Variants in OGDHL observed in about 807,000 individuals in gnomAD.
OGDHL encodes the protein oxoglutarate dehydrogenase L, also known as 2-oxoglutarate dehydrogenase-like, mitochondrial.
In OGDHL, 79 loss-of-function variants were observed where a neutral mutation model predicts 109.6. The observed-to-expected ratio is 0.72, with a 90% CI of 0.60 to 0.87. The LOEUF (loss-of-function observed/expected upper bound fraction) is 0.87. Among genes scored for constraint, OGDHL ranks in the 40% least tolerant of loss-of-function variants. The probability of loss-of-function intolerance (pLI) is 0.00; values close to 1 mark genes in which losing one functional copy is unlikely to be tolerated. For missense variants in OGDHL, 1,275 were observed against 1,362.2 expected (o/e 0.94, Z 1.01); for synonymous variants, 528 against 537.2 (o/e 0.98, Z 0.24).
intron 15 of OGDHL, among the ~76,000 whole-genome samples, chr10:49,742,430 CA>C (rs1841821165): frequency 6.9e-6 from 1 of 145,798 alleles, no homozygotes; most frequent in Non-Finnish European, 1.5e-5. Flanking sequence ...ATACACACCA[CA>C]CATACAACAA....
At chr10:49,740,960 G>A (rs1471738605) in intron 15 of OGDHL, 123 bp from the exon 16 acceptor site, 2 of 1,260,134 alleles carry the variant, frequency 1.6e-6, no homozygotes, top group South Asian at 1.4e-5. Context: ...GAAACCTGCA[G>A]GGTCCCACAA....
In OGDHL at chr10:49,751,836, C is replaced by T. The variant is rs772306801; in HGVS notation, c.740G>A (p.Arg247His). The T allele has an allele frequency of 9.3e-6, 15 of 1,613,558 alleles. No individual in the cohort carries two copies. Among genetic ancestry groups the T allele is most frequent in the African/African-American group, 1.3e-5 (1 of 75,036 alleles). Reference protein sequence around the residue: ...EKRTLLARLVRSMRFEDFLAR... With the variant: ...EKRTLLARLVHSMRFEDFLAR... Reference sequence around the variant, plus strand: ...TCCAGGTGGTGCCAACCTCATGGAGCGCACTAGCCGGGCCAGCAGGGTCCG... The same window carrying T: ...TCCAGGTGGTGCCAACCTCATGGAGTGCACTAGCCGGGCCAGCAGGGTCCG... Residue 247 changes from arginine (R) to histidine (H), a missense_variant, in exon 6 of 23, where the codon CGC becomes CAC. By Grantham distance (29) the Arg-to-His change is conservative. Transcript: ENST00000374103.
Position 49,751,930 on chromosome 10 carries a change from C to T in OGDHL, c.646G>A (p.Glu216Lys). The stretch of plus-strand genomic sequence containing the variant: ...TTCTGCCGGATCCACTGGCACTGCT[C>T]CACATCGTTGATGAACATGAACTCC... ...GLEFMFINDV[E>K]QCQWIRQKFE... The change falls in exon 6 of 23, where the codon GAG becomes AAG. Residue 216 changes from glutamate (E) to lysine (K), a missense_variant. By Grantham distance (56) the Glu-to-Lys change is moderately conservative (BLOSUM62 1). Coordinates refer to ENST00000374103, the MANE Select transcript of OGDHL (RefSeq NM_018245.3). 1 of 1,614,190 alleles carries T rather than the reference C, an allele frequency of 6.2e-7. No individual in the cohort carries two copies. The highest frequency in any genetic ancestry group is 1.1e-5 in the South Asian group (1 of 91,084).
intron 7 of OGDHL, among the ~76,000 whole-genome samples, chr10:49,750,168 T>C (rs529333038): frequency 3.9e-5 from 6 of 152,258 alleles, no homozygotes; most frequent in African/African-American, 1.4e-4. Flanking sequence ...GATGTAGCCC[T>C]GGGCTAGTCC....
At chr10:49,744,863 C>A (rs529332069) in intron 12 of OGDHL, 111 bp from the exon 13 acceptor site, 2 of 850,616 alleles carry the variant, frequency 2.4e-6, no homozygotes, top group Admixed American at 2.0e-5. Context: ...TTCTAGAACT[C>A]TCTGTCTCTG....
intron 4 of OGDHL, 94 bp downstream of exon 4, chr10:49,752,544 G>T: frequency 9.2e-7 from 1 of 1,083,450 alleles, no homozygotes; most frequent in Non-Finnish European, 1.4e-6. Context: ...GAGCTCCATG[G>T]ATTCCCAAGG....
chr10:49,739,389 T>C, intron 17 of OGDHL: 1 of 408,028 alleles, frequency 2.5e-6, no homozygotes. Context: ...TTAAGTTGTA[T>C]GGATTGGAAG....
chr10:49,738,021 C>T lies in OGDHL; in HGVS notation c.2443G>A (p.Val815Met), dbSNP rs201783448. The T allele has an allele frequency of 7.2e-5, 116 of 1,614,054 alleles. 1 individual carries two copies. The highest frequency in any genetic ancestry group is 7.1e-4 in the South Asian group (65 of 91,090). Residue 815 changes from valine to methionine, a missense_variant, in exon 19 of 23, where the codon GTG becomes ATG. Transcript: ENST00000374103. ...VSQLYDCNWI[V>M]VNCSTPANYF... Reference sequence around the variant, plus strand: ...TTGGCCGGTGTGGAGCAGTTGACCACGATCCAGTTGCAGTCATAGAGCTGG... The same window carrying T: ...TTGGCCGGTGTGGAGCAGTTGACCATGATCCAGTTGCAGTCATAGAGCTGG...
intron 7 of OGDHL, 43 bp downstream of exon 7, chr10:49,750,796 G>C (rs750598989): frequency 6.7e-5 from 104 of 1,561,062 alleles, no homozygotes; most frequent in Non-Finnish European, 8.5e-5. Context: ...TGTCCCCTGG[G>C]CTGGAGGAGA....
chr10:49,748,742 C>CCACACACAGACACACACACA (rs1842373891), intron 8 of OGDHL, among the ~76,000 whole-genome samples: 1 of 133,884 alleles, frequency 7.5e-6, no homozygotes, highest in African/African-American at 2.9e-5. Flanking sequence ...AGGTATGGGT[C>CCACACACAGACACACACACA]CACACACACA....
intron 7 of OGDHL, 44 bp downstream of exon 7, chr10:49,750,795 G>T: frequency 6.4e-7 from 1 of 1,559,850 alleles, no homozygotes; most frequent in East Asian, 2.3e-5. Context: ...CTGTCCCCTG[G>T]GCTGGAGGAG....
At position 49,744,696 on chromosome 10, in the gene OGDHL, A is replaced by G. The variant is rs1471819751; in HGVS notation, c.1686T>C (p.Asp562=). 1 of 1,614,112 alleles carries G rather than the reference A, an allele frequency of 6.2e-7. No homozygotes were observed. The highest frequency in any genetic ancestry group is 2.2e-5 in the East Asian group (1 of 44,880). ...AGTGCTTTATATGCAGAATCTTTTT[A>G]TCCTTGGACCTGCCATAAGCCTCCT... ...ICEEAYGRSK[D]KKILHIKHWL... The change falls in exon 13 of 23, where the codon GAT becomes GAC. Residue 562 remains aspartate, a synonymous_variant. Coordinates refer to ENST00000374103, the MANE Select transcript of OGDHL (RefSeq NM_018245.3).
chr10:49,745,054 A>G (rs1842073498), intron 12 of OGDHL, among the ~76,000 whole-genome samples: 1 of 152,204 alleles, frequency 6.6e-6, no homozygotes, highest in Non-Finnish European at 1.5e-5. Context: ...TCCATAGATA[A>G]TTATGGGGAC....
chr10:49,736,641 G>T, intron 20 of OGDHL, 121 bp from the exon 21 acceptor site: 2 of 1,010,572 alleles, frequency 2.0e-6, no homozygotes, highest in Non-Finnish European at 2.8e-6. Flanking sequence ...GTTTGGACTT[G>T]TGGCTGCAGT....
chr10:49,749,678 C>G, intron 8 of OGDHL, 48 bp downstream of exon 8: 1 of 1,509,602 alleles, frequency 6.6e-7, no homozygotes, highest in Non-Finnish European at 8.9e-7. Context: ...GTCCACCTCC[C>G]AAACACCCAG....
chr10:49,752,119 C>A lies in OGDHL; in HGVS notation c.594+14G>T. ...GCTGCTTCAGCTGCACCCCACACACCCGCCTGTGCTCACCTCCAGGCGCCG... is the reference window on the plus strand; with the variant it reads ...GCTGCTTCAGCTGCACCCCACACACACGCCTGTGCTCACCTCCAGGCGCCG... On this transcript the variant is annotated intron_variant, in intron 5 of 22. Transcript: ENST00000374103. 1 of 1,611,166 alleles carries A rather than the reference C, an allele frequency of 6.2e-7. No homozygotes were observed. The highest frequency in any genetic ancestry group is 8.5e-7 in the Non-Finnish European group (1 of 1,177,394).
intron 10 of OGDHL, 143 bp downstream of exon 10, chr10:49,746,607 G>T: frequency 9.0e-7 from 1 of 1,107,076 alleles, no homozygotes; most frequent in Non-Finnish European, 1.3e-6. Flanking sequence ...AGGACACCAA[G>T]GCTGGAAAGA....
In OGDHL at chr10:49,735,327, A is replaced by C; in HGVS notation, c.2934T>G (p.Ala978=). Residue 978 remains alanine, a synonymous_variant, in exon 23 of 23, where the codon GCT becomes GCG. Coordinates refer to ENST00000374103, the MANE Select transcript of OGDHL (RefSeq NM_018245.3). ...PIWYVGRDPA[A]APATGNRNTH... ...TGTTCCTGTTTCCTGTGGCTGGTGC[A>C]GCCGCTGGGTCCCGGCCAACATACC... 1 of 1,613,628 alleles carries C rather than the reference A, an allele frequency of 6.2e-7. No homozygotes were observed. Among genetic ancestry groups the C allele is most frequent in the Non-Finnish European group, 8.5e-7 (1 of 1,179,952 alleles).
At chr10:49,751,677 G>T (rs535218390) in intron 6 of OGDHL, 150 bp downstream of exon 6, 2 of 1,043,550 alleles carry the variant, frequency 1.9e-6, no homozygotes, top group Non-Finnish European at 2.8e-6. Flanking sequence ...TAAACACCTG[G>T]TCCCAACTCT....
Sources: allele counts gnomAD v4.1 joint callset (sites outside exome capture counted in the v4.1 genomes callset), GRCh38; gene constraint gnomAD v4.1.1; transcripts MANE v1.5; gene names NCBI Gene and HGNC (gene_info 2026-07-23, HGNC 2026-07-21).